The following CUL1 variants were observed in gnomAD, a reference collection of about 807,000 sequenced individuals.
CUL1 encodes cullin 1.
CUL1 carries 24 observed loss-of-function variants against 118.0 expected under a neutral mutation model. The observed-to-expected ratio is 0.20, with a 90% CI of 0.15 to 0.29. The LOEUF (loss-of-function observed/expected upper bound fraction) is 0.29, where lower values mean the gene tolerates loss of function less well. Ranked by LOEUF, CUL1 falls within the 10% of genes least tolerant of loss-of-function variation. The pLI, the probability that CUL1 is intolerant of heterozygous loss-of-function variation, is 1.00. For missense variants in CUL1, 361 were observed against 933.8 expected (o/e 0.39, Z 7.99); for synonymous variants, 332 against 340.4 (o/e 0.98, Z 0.27).
intron 1 of CUL1, among the ~76,000 whole-genome samples, chr7:148,710,243 CAAAG>C (rs1798007144): frequency 6.6e-6 from 1 of 152,022 alleles, no homozygotes; most frequent in South Asian, 2.1e-4. Flanking sequence ...TTTGTAACTA[CAAAG>C]AAAGGTGCAT....
chr7:148,737,425 C>G (rs928039612), intron 2 of CUL1, among the ~76,000 whole-genome samples: 3 of 151,828 alleles, frequency 2.0e-5, no homozygotes, highest in African/African-American at 7.3e-5. Context: ...TACCCACAGA[C>G]TGGACAGGAC....
chr7:148,789,137 G>A (rs903926014), intron 14 of CUL1, among the ~76,000 whole-genome samples: 18 of 152,096 alleles, frequency 1.2e-4, no homozygotes, highest in African/African-American at 4.1e-4. Flanking sequence ...GTAGGATGGC[G>A]GATTTATGCT....
chr7:148,699,134 G>C (rs1399493331), intron 1 of CUL1, 105 bp downstream of exon 1: 5 of 152,724 alleles, frequency 3.3e-5, no homozygotes, highest in African/African-American at 1.2e-4. Flanking sequence ...CGCGACGGCC[G>C]AAACCAGGCG....
chr7:148,796,692 A>G (rs1801210317), intron 17 of CUL1, among the ~76,000 whole-genome samples: 1 of 151,788 alleles, frequency 6.6e-6, no homozygotes, highest in Admixed American at 6.6e-5. Flanking sequence ...TCTGATCAGG[A>G]TTTTAGGCCA....
chr7:148,748,231 C>T (rs916733327), intron 2 of CUL1, among the ~76,000 whole-genome samples: 1 of 152,028 alleles, frequency 6.6e-6, no homozygotes, highest in Non-Finnish European at 1.5e-5. Context: ...TTACCTAAAA[C>T]CAAACTCGTC....
intron 1 of CUL1, among the ~76,000 whole-genome samples, chr7:148,706,143 A>C (rs1797872310): frequency 6.6e-6 from 1 of 152,160 alleles, no homozygotes; most frequent in South Asian, 2.1e-4. Context: ...TCTATATGAA[A>C]CATGTGAATT....
intron 7 of CUL1, among the ~76,000 whole-genome samples, chr7:148,761,053 A>G (rs1799811659): frequency 6.6e-6 from 1 of 152,136 alleles, no homozygotes; most frequent in Admixed American, 6.6e-5. Context: ...GGGTCTCGCT[A>G]TTTTTGTAGA....
chr7:148,769,259 A>G (rs1800121589), intron 9 of CUL1, among the ~76,000 whole-genome samples: 2 of 152,228 alleles, frequency 1.3e-5, no homozygotes, highest in Non-Finnish European at 2.9e-5. Flanking sequence ...ATCAGGGCAC[A>G]TAATTGCTCA....
At chr7:148,782,866 T>C (rs1263730316) in intron 9 of CUL1, among the ~76,000 whole-genome samples, 2 of 152,184 alleles carry the variant, frequency 1.3e-5, no homozygotes, top group Admixed American at 1.3e-4. Flanking sequence ...GATCTGTGCT[T>C]GGCTGGGGGT....
chr7:148,797,502 C>T (rs556035521), intron 17 of CUL1, among the ~76,000 whole-genome samples: 1 of 151,828 alleles, frequency 6.6e-6, no homozygotes, highest in Non-Finnish European at 1.5e-5. Context: ...CCAAACACTT[C>T]TAGTCCCAGG....
chr7:148,773,408 C>G (rs1192809187), intron 9 of CUL1, among the ~76,000 whole-genome samples: 1 of 152,108 alleles, frequency 6.6e-6, no homozygotes, highest in Non-Finnish European at 1.5e-5. Context: ...CTGACCTTAA[C>G]TCTTCTATCC....
chr7:148,760,902 T>G (rs1002989097), intron 7 of CUL1, among the ~76,000 whole-genome samples: 2 of 152,212 alleles, frequency 1.3e-5, no homozygotes, highest in African/African-American at 4.8e-5. Context: ...CATGATTATA[T>G]TAGAGGAAAA....
At chr7:148,792,491 C>T (rs1801049084) in intron 16 of CUL1, among the ~76,000 whole-genome samples, 1 of 152,084 alleles carries the variant, frequency 6.6e-6, no homozygotes, top group South Asian at 2.1e-4. Flanking sequence ...AAAAAAAACC[C>T]TCAAATTATT....
intron 2 of CUL1, among the ~76,000 whole-genome samples, chr7:148,737,508 G>A (rs243507): frequency 0.31 from 47,071 of 150,694 alleles, 8,085 homozygotes; most frequent in South Asian, 0.48. Context: ...TTTGGTACAG[G>A]TTAACTTGTT....
intron 1 of CUL1, among the ~76,000 whole-genome samples, chr7:148,724,794 A>G (rs1431691791): frequency 1.3e-5 from 2 of 152,208 alleles, no homozygotes; most frequent in Admixed American, 6.5e-5. Context: ...AGGATCTCCT[A>G]TACCTGAGTA....
At position 148,787,166 on chromosome 7, in the gene CUL1, T is replaced by A. The variant is rs1461355529; in HGVS notation, c.1479+46T>A. ...AAAAATCCCAGCTTCTGAGTCATTA[T>A]TAAAACAGCTCTATGGCCGAGCGCG... On this transcript the variant is annotated intron_variant, in intron 13 of 21. Transcript: ENST00000325222. This position sits in a 1 kb window ranked among gnomAD's most constrained non-coding sequence, Gnocchi z 5.5. 1.2e-6 allele frequency: 2 copies of A among 1,604,438 alleles called. No homozygotes were observed. Among genetic ancestry groups the A allele is most frequent in the Non-Finnish European group, 1.7e-6 (2 of 1,174,362 alleles).
chr7:148,793,646 GA>G (rs1563171276), intron 17 of CUL1, among the ~76,000 whole-genome samples: 1 of 152,178 alleles, frequency 6.6e-6, no homozygotes, highest in East Asian at 1.9e-4. Flanking sequence ...TTTTGTGGTC[GA>G]ATAATCCAAT....
intron 2 of CUL1, among the ~76,000 whole-genome samples, chr7:148,730,515 AG>A (rs1309571747): frequency 6.6e-6 from 1 of 152,158 alleles, no homozygotes; most frequent in Non-Finnish European, 1.5e-5. Context: ...AAAGTTCCTT[AG>A]GCACACTAGC....
intron 9 of CUL1, among the ~76,000 whole-genome samples, chr7:148,773,660 T>C (rs1800298846): frequency 6.6e-6 from 1 of 152,222 alleles, no homozygotes. Context: ...CCGCTGCGTG[T>C]GTCTTCTCAG....
Sources: allele counts gnomAD v4.1 joint callset (sites outside exome capture counted in the v4.1 genomes callset), GRCh38; gene constraint gnomAD v4.1.1; non-coding constraint Gnocchi (gnomAD v3.1); transcripts MANE v1.5; gene names NCBI Gene and HGNC (gene_info 2026-07-23, HGNC 2026-07-21).